Variants in PACRG observed in about 807,000 individuals in gnomAD.
PACRG encodes parkin coregulated, also known as parkin coregulated gene protein.
In PACRG, 29 loss-of-function variants were observed where a neutral mutation model predicts 29.7. The observed-to-expected ratio is 0.98, with a 90% CI of 0.73 to 1.33. PACRG has a LOEUF of 1.33. Ranked by LOEUF, PACRG falls within the 40% of genes most tolerant of loss-of-function variation. PACRG has a pLI of 0.00. For missense variants in PACRG, 279 were observed against 316.2 expected, an observed-to-expected ratio of 0.88 and a Z score of 0.89; for synonymous variants, 116 against 118.7, an observed-to-expected ratio of 0.98 and a Z score of 0.15.
chr6:163,050,877 T>G (rs939861722), intron 2 of PACRG, among the ~76,000 whole-genome samples: 1 of 152,226 alleles, frequency 6.6e-6, no homozygotes, highest in African/African-American at 2.4e-5. Flanking sequence ...ATTTTCCCTC[T>G]GAATATTTAC....
At chr6:163,150,129 C>T (rs540857744) in intron 4 of PACRG, among the ~76,000 whole-genome samples, 170 of 152,348 alleles carry the variant, frequency 1.1e-3, no homozygotes, top group African/African-American at 4.0e-3. Context: ...GTGGCCTCTA[C>T]CTCGCAGGCT....
intron 2 of PACRG, among the ~76,000 whole-genome samples, chr6:162,883,684 CTGTGTGTGTGTG>C (rs144543802): frequency 6.9e-6 from 1 of 145,742 alleles, no homozygotes; most frequent in Non-Finnish European, 1.5e-5. Flanking sequence ...TTTTCAAAAA[CTGTGTGTGTGTG>C]TGTGTGTGTG....
intron 2 of PACRG, among the ~76,000 whole-genome samples, chr6:162,852,979 C>A (rs1791054102): frequency 6.6e-6 from 1 of 152,226 alleles, no homozygotes; most frequent in South Asian, 2.1e-4. Context: ...CTTCTCAACA[C>A]CGTCACCAAC....
chr6:163,051,930 C>T (rs749177894), intron 2 of PACRG: 8 of 152,252 alleles, frequency 5.3e-5, no homozygotes, highest in Non-Finnish European at 1.2e-4. Context: ...AAATTTGCTT[C>T]ATTTCTGCCC....
At chr6:163,299,037 A>G (rs1784888231) in intron 4 of PACRG, among the ~76,000 whole-genome samples, 1 of 152,142 alleles carries the variant, frequency 6.6e-6, no homozygotes, top group Non-Finnish European at 1.5e-5. Flanking sequence ...ATGGTTGGTT[A>G]CCTGGCATAT....
intron 4 of PACRG, among the ~76,000 whole-genome samples, chr6:163,123,663 C>T (rs1816396464): frequency 6.6e-6 from 1 of 152,154 alleles, no homozygotes; most frequent in Non-Finnish European, 1.5e-5. Context: ...GCATATGCCC[C>T]CTCTCCATCC....
chr6:162,879,209 C>T (rs142446080), intron 2 of PACRG, among the ~76,000 whole-genome samples: 13 of 152,180 alleles, frequency 8.5e-5, no homozygotes, highest in African/African-American at 1.7e-4. Flanking sequence ...CAATTGTGCA[C>T]GAAGAGACAT....
At chr6:163,252,900 A>C (rs1011084507) in intron 4 of PACRG, among the ~76,000 whole-genome samples, 1 of 152,250 alleles carries the variant, frequency 6.6e-6, no homozygotes, top group Non-Finnish European at 1.5e-5. Flanking sequence ...AATTCTGACT[A>C]AGAATCATGT....
At chr6:163,275,851 C>T (rs765547155) in intron 4 of PACRG, among the ~76,000 whole-genome samples, 36 of 152,234 alleles carry the variant, frequency 2.4e-4, no homozygotes, top group Admixed American at 2.0e-4. Context: ...CTGCAAGAGA[C>T]GGGGAAAGCA....
At chr6:163,302,823 C>T (rs1322688967) in intron 4 of PACRG, among the ~76,000 whole-genome samples, 1 of 152,118 alleles carries the variant, frequency 6.6e-6, no homozygotes, top group Non-Finnish European at 1.5e-5. Context: ...AATTATTTTT[C>T]TTGCTAGAAC....
intron 4 of PACRG, among the ~76,000 whole-genome samples, chr6:163,135,665 A>C (rs1331022893): frequency 6.6e-6 from 1 of 152,238 alleles, no homozygotes; most frequent in African/African-American, 2.4e-5. Context: ...TAAGGTAAAT[A>C]CCTAGAAGTA....
rs774188096 is a variant in PACRG, at chr6:163,143,772, C to T, written c.613+54364C>T. On this transcript the variant is annotated intron_variant, in intron 4 of 4. Transcript: ENST00000366888. ...GAGGTGAGGCAGAGAGAAGAATCCACGTCCAATGCCAGGGCTGGGTCTCAT... is the reference window on the plus strand; with the variant it reads ...GAGGTGAGGCAGAGAGAAGAATCCATGTCCAATGCCAGGGCTGGGTCTCAT... 7.6e-4 allele frequency among the ~76,000 whole-genome samples: 115 copies of T among 150,526 alleles called. 2 individuals carry two copies. The highest frequency in any genetic ancestry group is 7.3e-3 in the Admixed American group (110 of 15,152).
intron 4 of PACRG, among the ~76,000 whole-genome samples, chr6:163,122,489 A>G (rs926799832): frequency 5.3e-5 from 8 of 152,122 alleles, no homozygotes; most frequent in African/African-American, 1.9e-4. Flanking sequence ...GTAATGGGTG[A>G]GTTCTCACCC....
chr6:163,224,099 T>C (rs1308091054), intron 4 of PACRG, among the ~76,000 whole-genome samples: 3 of 152,026 alleles, frequency 2.0e-5, no homozygotes, highest in Non-Finnish European at 4.4e-5. Context: ...CCAGGCGTGG[T>C]GGCTCATGCC....
chr6:163,305,069 G>A (rs1171242465), intron 4 of PACRG, among the ~76,000 whole-genome samples: 1 of 152,192 alleles, frequency 6.6e-6, no homozygotes, highest in East Asian at 1.9e-4. Context: ...GAGGGCCAAG[G>A]GCAGCATTTC....
At chr6:162,934,605 T>C (rs1366273076) in intron 2 of PACRG, among the ~76,000 whole-genome samples, 3 of 152,218 alleles carry the variant, frequency 2.0e-5, no homozygotes, top group Non-Finnish European at 4.4e-5. Flanking sequence ...TCAAAGTTGT[T>C]ATTGTATTCA....
At chr6:163,108,009 C>G (rs1248529000) in intron 4 of PACRG, among the ~76,000 whole-genome samples, 1 of 152,182 alleles carries the variant, frequency 6.6e-6, no homozygotes, top group African/African-American at 2.4e-5. Context: ...TAATAGTCCT[C>G]TGCTATCTAA....
intron 4 of PACRG, among the ~76,000 whole-genome samples, chr6:163,233,307 A>G (rs1782118528): frequency 6.6e-6 from 1 of 152,236 alleles, no homozygotes; most frequent in Non-Finnish European, 1.5e-5. Flanking sequence ...TGATTGATGA[A>G]CAAAAAGTTC....
At chr6:162,890,597 C>T (rs1794681696) in intron 2 of PACRG, among the ~76,000 whole-genome samples, 1 of 152,200 alleles carries the variant, frequency 6.6e-6, no homozygotes, top group African/African-American at 2.4e-5. Flanking sequence ...TTCCCCTCCT[C>T]AGGGTCACTT....
Sources: allele counts gnomAD v4.1 joint callset (sites outside exome capture counted in the v4.1 genomes callset), GRCh38; gene constraint gnomAD v4.1.1; transcripts MANE v1.5; gene names NCBI Gene and HGNC (gene_info 2026-07-23, HGNC 2026-07-21).